TNFSF14: variants seen among roughly 807,000 people sequenced by gnomAD.
TNFSF14 encodes tumor necrosis factor ligand superfamily member 14.
Under a neutral mutation model 22.7 loss-of-function variants are expected in TNFSF14, and 15 were observed. The ratio of observed to expected loss-of-function variants is 0.66; its 90% CI spans 0.44 to 1.02. The LOEUF (loss-of-function observed/expected upper bound fraction) is 1.02. Ranked by LOEUF, TNFSF14 falls within the 50% of genes least tolerant of loss-of-function variation. The pLI is 0.00. For synonymous variants in TNFSF14, 133 were observed against 139.6 expected (o/e 0.95, Z 0.33); for missense variants, 287 against 326.2 (o/e 0.88, Z 0.93).
Position 6,663,391 on chromosome 19 carries a change from A to C in TNFSF14, c.*1535T>G. 7.1e-6 allele frequency: 1 copy of C among 141,490 alleles called. No individual in the cohort carries two copies. The highest frequency in any genetic ancestry group is 2.7e-5 in the African/African-American group (1 of 36,584). The allele number at this position is 141,490 out of a possible 1,614,324, so 8.8% of individuals were successfully genotyped here. On this transcript the variant is annotated 3_prime_UTR_variant, in exon 4 of 4. Transcript: ENST00000675206. ...TGTGTAATGTGTGTTTGTCATCGTGATGTTGTGTGTGTAATGTGTGTTTGT... is the reference window on the plus strand; with the variant it reads ...TGTGTAATGTGTGTTTGTCATCGTGCTGTTGTGTGTGTAATGTGTGTTTGT...
At position 6,662,119 on chromosome 19, in the gene TNFSF14, C is replaced by T. The variant is rs1009890273; in HGVS notation, c.*2807G>A. The T allele has an allele frequency of 6.6e-6, 1 of 152,206 alleles. No homozygotes were observed. The highest frequency in any genetic ancestry group is 2.4e-5 in the African/African-American group (1 of 41,438). 9.4% of individuals were successfully genotyped at this position (152,206 alleles called of 1,614,324 possible). A position where few individuals can be genotyped will look rare whatever the true frequency, so the allele number is the denominator to read the frequency against. ...GCAGTGGTGTGATCTCAGCTCACTG[C>T]AACCTCAACCTCCAGGGTTCCTGCC... On this transcript the variant is annotated 3_prime_UTR_variant, in exon 4 of 4. Coordinates refer to ENST00000675206, the MANE Select transcript of TNFSF14 (RefSeq NM_001376887.1).
chr19:6,669,708 G>T, intron 1 of TNFSF14, 143 bp downstream of exon 1: 1 of 1,327,178 alleles, frequency 7.5e-7, no homozygotes, highest in Non-Finnish European at 1.0e-6. Flanking sequence ...AACCAGTCAA[G>T]CCAGCTGCTC....
At chr19:6,665,775 G>GCGTGTGTGTGTT (rs1568202106) in intron 3 of TNFSF14, among the ~76,000 whole-genome samples, 1 of 142,912 alleles carries the variant, frequency 7.0e-6, no homozygotes, top group Non-Finnish European at 1.5e-5. Context: ...GTGTGTGTGT[G>GCGTGTGTGTGTT]CATGTGTGCG....
intron 3 of TNFSF14, among the ~76,000 whole-genome samples, chr19:6,666,075 G>A (rs1417681340): frequency 1.3e-5 from 2 of 152,054 alleles, no homozygotes; most frequent in Non-Finnish European, 1.5e-5. Context: ...CTGAGGCATG[G>A]AACCGTTAAG....
chr19:6,667,541 AGC>A lies in TNFSF14; in HGVS notation c.220-94_220-93del, dbSNP rs1287600846. The A allele has an allele frequency of 8.6e-6, 12 of 1,397,578 alleles. No individual in the cohort carries two copies. The African/African-American group carries it at 1.5e-4, about 18-fold the overall frequency. The allele number at this position is 1,397,578 out of a possible 1,614,324, so 86.6% of individuals were successfully genotyped here. On this transcript the variant is annotated intron_variant, in intron 1 of 3. Transcript: ENST00000675206. ...CATGGCTATGAGACATGAGGACCAT[AGC>A]CACCGACACCACCCTCAGACACGTA...
chr19:6,665,044 A>G lies in TNFSF14; in HGVS notation c.605T>C (p.Phe202Ser), dbSNP rs1199997863. The G allele has an allele frequency of 6.2e-7, 1 of 1,614,156 alleles. No homozygotes were observed. The change falls in exon 4 of 4, where the codon TTC becomes TCC. Residue 202 changes from phenylalanine (F) to serine (S), a missense_variant. Physicochemically the swap from Phe to Ser is radical, Grantham distance 155. Transcript: ENST00000675206. ...SSSRVWWDSS[F>S]LGGVVHLEAG... ...CTCCAGGTGTACCACACCACCCAGG[A>G]AGCTGCTGTCCCACCAGACCCGGGA...
Position 6,664,846 on chromosome 19 carries a change from T to A in TNFSF14, c.*80A>T. 6.7e-7 allele frequency: 1 copy of A among 1,495,714 alleles called. No homozygotes were observed. Among genetic ancestry groups the A allele is most frequent in the Non-Finnish European group, 8.9e-7 (1 of 1,118,484 alleles). The allele number at this position is 1,495,714 out of a possible 1,614,324, so 92.7% of individuals were successfully genotyped here. On this transcript the variant is annotated 3_prime_UTR_variant, in exon 4 of 4. Coordinates refer to ENST00000675206, the MANE Select transcript of TNFSF14 (RefSeq NM_001376887.1). This position sits in a 1 kb window ranked among gnomAD's most constrained non-coding sequence, Gnocchi z 4.7. Reference sequence around the variant, plus strand: ...AGAGCCACCACGCCCAGCCTCTGCTTCGTGAGTTTTCTTTCCCCTGAGGCA... The same window carrying A: ...AGAGCCACCACGCCCAGCCTCTGCTACGTGAGTTTTCTTTCCCCTGAGGCA...
chr19:6,670,336 T>C (rs910744443), upstream of TNFSF14: 7 of 1,241,162 alleles, frequency 5.6e-6, no homozygotes, highest in Non-Finnish European at 4.1e-6. Context: ...AGGTGGCAAG[T>C]GCAGTGGGGA....
intron 3 of TNFSF14, among the ~76,000 whole-genome samples, chr19:6,666,739 T>C (rs1012630733): frequency 2.6e-5 from 4 of 151,848 alleles, no homozygotes; most frequent in Admixed American, 2.0e-4. Context: ...CTACTAAAAA[T>C]ACAACAAAAT....
chr19:6,666,652 T>C (rs1367301690), intron 3 of TNFSF14, among the ~76,000 whole-genome samples: 1 of 152,164 alleles, frequency 6.6e-6, no homozygotes, highest in Non-Finnish European at 1.5e-5. Flanking sequence ...TCCCAGCACT[T>C]TGGGAGGCCA....
Position 6,665,784 on chromosome 19 carries a change from CGTGTGTGTGTGTGT to C in TNFSF14, c.299-448_299-435del, listed in dbSNP as rs35598085. ...GTTTGTGTGTGTGTGTGCATGTGTG[CGTGTGTGTGTGTGT>C]GTGTGTGTGTGTGTGTGTGTGTTTG... On this transcript the variant is annotated intron_variant, in intron 3 of 3. Coordinates refer to ENST00000675206, the MANE Select transcript of TNFSF14 (RefSeq NM_001376887.1). 5.4e-3 allele frequency among the ~76,000 whole-genome samples: 762 copies of C among 140,664 alleles called. 2 individuals are homozygous for C. The highest frequency in any genetic ancestry group is 9.1e-3 in the Non-Finnish European group (587 of 64,460). The allele number at this position is 140,664 out of a possible 152,430, so 92.3% of individuals were successfully genotyped here. A position where few individuals can be genotyped will look rare whatever the true frequency, so the allele number is the denominator to read the frequency against.
Position 6,664,953 on chromosome 19 carries a change from C to A in TNFSF14, c.696G>T (p.Arg232=). Residue 232 remains arginine (R), a synonymous_variant, in exon 4 of 4, where the codon CGG becomes CGT. Coordinates refer to ENST00000675206, the MANE Select transcript of TNFSF14 (RefSeq NM_001376887.1). This position sits in a 1 kb window ranked among gnomAD's most constrained non-coding sequence, Gnocchi z 4.7. The part of the protein sequence containing the change: ...ERLVRLRDGT[R]SYFGAFMV ...ACACCATGAAAGCCCCGAAGTAAGA[C>A]CGGGTACCATCACGCAGTCGAACCA... 6.2e-7 allele frequency: 1 copy of A among 1,604,404 alleles called. No homozygotes were observed.
chr19:6,665,784 CGTGTGTGTGTGT>C (rs35598085), intron 3 of TNFSF14, among the ~76,000 whole-genome samples: 15 of 140,668 alleles, frequency 1.1e-4, no homozygotes, highest in South Asian at 9.3e-4. Context: ...TGCATGTGTG[CGTGTGTGTGTGT>C]GTGTGTGTGT....
intron 3 of TNFSF14, 98 bp downstream of exon 3, chr19:6,667,015 C>CAATG (rs1917448262): frequency 7.5e-7 from 1 of 1,336,376 alleles, no homozygotes; most frequent in Middle Eastern, 1.9e-4. Flanking sequence ...AGTAAATAAG[C>CAATG]AATGAATGAA....
chr19:6,661,602 C>T lies in TNFSF14; in HGVS notation c.*3324G>A, dbSNP rs1027047501. On this transcript the variant is annotated 3_prime_UTR_variant, in exon 4 of 4. Coordinates refer to ENST00000675206, the MANE Select transcript of TNFSF14 (RefSeq NM_001376887.1). ...CATTCTTGGATGTGCTGGGAGTCAG[C>T]TTAAGTCCTTGAGGAAGGGGGGTGG... is the stretch of plus-strand genomic sequence containing the variant. 6 of 152,118 alleles carry T rather than the reference C, an allele frequency of 3.9e-5. No individual in the cohort carries two copies. The highest frequency in any genetic ancestry group is 1.5e-4 in the African/African-American group (6 of 41,352). The allele number at this position is 152,118 out of a possible 1,614,324, so 9.4% of individuals were successfully genotyped here.
upstream of TNFSF14, chr19:6,670,378 T>A: frequency 2.4e-6 from 2 of 836,536 alleles, no homozygotes; most frequent in Non-Finnish European, 3.2e-6. Context: ...GATGCTTCAT[T>A]CGCTTGGGGC....
Position 6,664,629 on chromosome 19 carries a change from C to CAT in TNFSF14, c.*296_*297insAT. On this transcript the variant is annotated 3_prime_UTR_variant, in exon 4 of 4. Transcript: ENST00000675206. The surrounding 1 kb of genome is among the most constrained non-coding windows in gnomAD (Gnocchi z 4.7). The stretch of plus-strand genomic sequence containing the variant: ...TCTCGGCTCACTGCAACCTCCGCCT[C>CAT]CCGGGTTTAAGCAAAATTATCCTGC... The CAT allele has an allele frequency of 4.5e-6, 1 of 221,290 alleles. No individual in the cohort carries two copies. Among genetic ancestry groups the CAT allele is most frequent in the Admixed American group, 5.6e-5 (1 of 17,918 alleles). The allele number at this position is 221,290 out of a possible 1,614,324, so 13.7% of individuals were successfully genotyped here.
At position 6,669,961 on chromosome 19, in the gene TNFSF14, G is replaced by T; in HGVS notation, c.109C>A (p.Arg37=). 6.2e-7 allele frequency: 1 copy of T among 1,613,972 alleles called. No homozygotes were observed. The highest frequency in any genetic ancestry group is 8.5e-7 in the Non-Finnish European group (1 of 1,180,004). The change falls in exon 1 of 4, where the codon CGG becomes AGG. Residue 37 remains arginine (R), a synonymous_variant. Coordinates refer to ENST00000675206, the MANE Select transcript of TNFSF14 (RefSeq NM_001376887.1). ...AACAGCAAGAGACCCAGACCCACCC[G>T]GGCCACACTGCACGACTGTCTCCGG... ...SHRRQSCSVA[R]VGLGLLLLLM...
intron 1 of TNFSF14, among the ~76,000 whole-genome samples, chr19:6,668,540 T>C (rs557921605): frequency 6.6e-6 from 1 of 151,912 alleles, no homozygotes; most frequent in Admixed American, 6.6e-5. Context: ...ACCCCGTCTG[T>C]ACTAAAAATA....
Sources: allele counts gnomAD v4.1 joint callset (sites outside exome capture counted in the v4.1 genomes callset), GRCh38; gene constraint gnomAD v4.1.1; non-coding constraint Gnocchi (gnomAD v3.1); transcripts MANE v1.5; gene names NCBI Gene and HGNC (gene_info 2026-07-23, HGNC 2026-07-21).